The following PIK3CG variants were observed in gnomAD, a reference collection of about 807,000 sequenced individuals.
PIK3CG encodes phosphatidylinositol-4,5-bisphosphate 3-kinase catalytic subunit gamma.
Under a neutral mutation model 102.3 loss-of-function variants are expected in PIK3CG, and 55 were observed. The ratio of observed to expected loss-of-function variants is 0.54; its 90% CI spans 0.43 to 0.67. The LOEUF (loss-of-function observed/expected upper bound fraction) is 0.67, where lower values mean the gene tolerates loss of function less well. Among genes scored for constraint, PIK3CG ranks in the 30% least tolerant of loss-of-function variants. The pLI is 0.00. For synonymous variants in PIK3CG, 552 were observed against 540.0 expected, an observed-to-expected ratio of 1.02 and a Z score of -0.31; for missense variants, 1,258 against 1,391.8, an observed-to-expected ratio of 0.90 and a Z score of 1.53.
At position 106,906,113 on chromosome 7, in the gene PIK3CG, G is replaced by A. The variant is rs1000452287; in HGVS notation, c.*726G>A. On this transcript the variant is annotated 3_prime_UTR_variant, in exon 11 of 11. Transcript: ENST00000496166. ...TGAGTTATCTAGTATGATTAGTATA[G>A]CTTTCTCCAGCATGGCAGCAGGAAG... 4.4e-6 allele frequency: 1 copy of A among 226,260 alleles called. No individual in the cohort carries two copies. The highest frequency in any genetic ancestry group is 5.8e-5 in the Admixed American group (1 of 17,248). 14.0% of individuals were successfully genotyped at this position (226,260 alleles called of 1,614,324 possible).
At position 106,894,366 on chromosome 7, in the gene PIK3CG, G is replaced by A. The variant is rs1005022293; in HGVS notation, c.3030+8074G>A. On this transcript the variant is annotated intron_variant, in intron 10 of 10. Coordinates refer to ENST00000496166, the MANE Select transcript of PIK3CG (RefSeq NM_001282426.2). The surrounding 1 kb of genome is among the most constrained non-coding windows in gnomAD (Gnocchi z 4.4). ...AATGTGCTTCTAGCTAAATATTCGA[G>A]AAGATGACAGTACAGCCCTTCTCCT... 6.6e-6 allele frequency among the ~76,000 whole-genome samples: 1 copy of A among 152,148 alleles called. No individual in the cohort carries two copies. Among genetic ancestry groups the A allele is most frequent in the Non-Finnish European group, 1.5e-5 (1 of 68,036 alleles).
chr7:106,901,053 G>T (rs1791537471), intron 10 of PIK3CG, among the ~76,000 whole-genome samples: 1 of 152,130 alleles, frequency 6.6e-6, no homozygotes, highest in Admixed American at 6.5e-5. Flanking sequence ...ATCTTCTTGT[G>T]TAGAATCTTG....
chr7:106,881,743 A>G (rs535498428), intron 6 of PIK3CG, among the ~76,000 whole-genome samples: 5 of 152,076 alleles, frequency 3.3e-5, no homozygotes, highest in Non-Finnish European at 5.9e-5. Context: ...CCAGCTACTC[A>G]GGAGGCTGAG....
chr7:106,885,551 G>A (rs1182275719), intron 9 of PIK3CG, among the ~76,000 whole-genome samples: 2 of 152,066 alleles, frequency 1.3e-5, no homozygotes, highest in African/African-American at 4.8e-5. Flanking sequence ...ATATATTTAT[G>A]GACAATAGAA....
rs1790554754 is a variant in PIK3CG at position 106,872,201 on chromosome 7, C to T, written c.1996-336C>T. Among the ~76,000 whole-genome samples, 1 of 152,164 alleles carries T rather than the reference C, an allele frequency of 6.6e-6. No homozygotes were observed. The highest frequency in any genetic ancestry group is 2.4e-5 in the African/African-American group (1 of 41,408). ...TTGGTTACAGTGTCTCCATCTTCCC[C>T]CTCTACCCCTCCAACAAAACCAGTA... On this transcript the variant is annotated intron_variant, in intron 2 of 10. Transcript: ENST00000496166. The surrounding 1 kb of genome is among the most constrained non-coding windows in gnomAD (Gnocchi z 5.3).
rs376453517 is a variant in PIK3CG at position 106,905,140 on chromosome 7, G to A, written c.3062G>A (p.Arg1021His). 6.0e-5 allele frequency: 97 copies of A among 1,613,768 alleles called. No individual in the cohort carries two copies. In the East Asian group the frequency reaches 6.9e-4, roughly 11 times the overall value. Reference sequence around the variant, plus strand: ...TGTGTTAAGGCTTATCTAGCCCTTCGTCATCACACAAACCTACTGATCATC... The same window carrying A: ...TGTGTTAAGGCTTATCTAGCCCTTCATCATCACACAAACCTACTGATCATC... ...DICVKAYLAL[R>H]HHTNLLIILF... is the part of the protein sequence containing the mutation. Residue 1021 changes from arginine to histidine, a missense_variant, in exon 11 of 11, where the codon CGT (arginine) becomes CAT (histidine). This residue lies in a region of PIK3CG where 426 missense variants were observed against 604.2 expected (regional missense o/e 0.71). Transcript: ENST00000496166. This position sits in a 1 kb window ranked among gnomAD's most constrained non-coding sequence, Gnocchi z 5.6.
rs1791435190 is a variant in PIK3CG at position 106,897,402 on chromosome 7, G to A, written c.3031-7707G>A. 6.6e-6 allele frequency among the ~76,000 whole-genome samples: 1 copy of A among 152,112 alleles called. No homozygotes were observed. Among genetic ancestry groups the A allele is most frequent in the Non-Finnish European group, 1.5e-5 (1 of 68,002 alleles). ...ATCACCCTTTCTTTTATTTTTGGCT[G>A]GGGGTACATGTGAAAGTTTGTTACA... On this transcript the variant is annotated intron_variant, in intron 10 of 10. Coordinates refer to ENST00000496166, the MANE Select transcript of PIK3CG (RefSeq NM_001282426.2). This position sits in a 1 kb window ranked among gnomAD's most constrained non-coding sequence, Gnocchi z 4.6.
rs189710851 is a variant in PIK3CG at position 106,893,001 on chromosome 7, G to A, written c.3030+6709G>A. On this transcript the variant is annotated intron_variant, in intron 10 of 10. Transcript: ENST00000496166. This position sits in a 1 kb window ranked among gnomAD's most constrained non-coding sequence, Gnocchi z 4.4. The stretch of plus-strand genomic sequence containing the variant: ...GAATTTGAGTCAAGAAAGGAAATTT[G>A]GGTCCAACTTGAAGCAGTACATAGG... Among the ~76,000 whole-genome samples, 3 of 152,268 alleles carry A rather than the reference G, an allele frequency of 2.0e-5. No individual in the cohort carries two copies. Among genetic ancestry groups the A allele is most frequent in the African/African-American group, 7.2e-5 (3 of 41,552 alleles).
At position 106,908,216 on chromosome 7, in the gene PIK3CG, A is replaced by T. The variant is rs1791740435; in HGVS notation, c.*2829A>T. The stretch of plus-strand genomic sequence containing the variant: ...TTAAGAAATTCGAGATGGCAACAGC[A>T]GTTGTCACACCAAGCACAGTGCCCT... On this transcript the variant is annotated 3_prime_UTR_variant, in exon 11 of 11. Transcript: ENST00000496166. This position sits in a 1 kb window ranked among gnomAD's most constrained non-coding sequence, Gnocchi z 4.1. Among the ~76,000 whole-genome samples the T allele has an allele frequency of 1.3e-5, 2 of 152,198 alleles. No homozygotes were observed. Among genetic ancestry groups the T allele is most frequent in the African/African-American group, 4.8e-5 (2 of 41,446 alleles).
At chr7:106,886,452 A>G (rs1025697182) in intron 10 of PIK3CG, among the ~76,000 whole-genome samples, 160 bp downstream of exon 10, 4 of 152,068 alleles carry the variant, frequency 2.6e-5, no homozygotes, top group Non-Finnish European at 5.9e-5. Flanking sequence ...TTTCACTTCC[A>G]TTCATTCCTT....
Position 106,905,611 on chromosome 7 carries a change from C to A in PIK3CG, c.*224C>A. ...GGATTATTTGCAGGTTTGGTTTTTT[C>A]TCATTTGTCTGTGGCATTGGAGAAT... On this transcript the variant is annotated 3_prime_UTR_variant, in exon 11 of 11. Coordinates refer to ENST00000496166, the MANE Select transcript of PIK3CG (RefSeq NM_001282426.2). The surrounding 1 kb of genome is among the most constrained non-coding windows in gnomAD (Gnocchi z 5.6). 1 of 536,558 alleles carries A rather than the reference C, an allele frequency of 1.9e-6. No homozygotes were observed. 33.2% of individuals were successfully genotyped at this position (536,558 alleles called of 1,614,324 possible). A position where few individuals can be genotyped will look rare whatever the true frequency, so the allele number is the denominator to read the frequency against.
chr7:106,868,920 G>A lies in PIK3CG; in HGVS notation c.1359G>A (p.Glu453=), dbSNP rs773413129. The A allele has an allele frequency of 2.8e-5, 45 of 1,614,084 alleles. No individual in the cohort carries two copies. Among genetic ancestry groups the A allele is most frequent in the Non-Finnish European group, 3.6e-5 (42 of 1,180,046 alleles). ...SKASAESPSS[E]SKGKVQLLYY... ...CCTCTGCAGAGTCCCCCAGTTCTGA[G>A]TCCAAGGGCAAAGTTCAGCTTCTCT... Residue 453 remains glutamate (E), a synonymous_variant, in exon 2 of 11, where the codon GAG becomes GAA. Coordinates refer to ENST00000496166, the MANE Select transcript of PIK3CG (RefSeq NM_001282426.2). The surrounding 1 kb of genome is among the most constrained non-coding windows in gnomAD (Gnocchi z 6.2).
At chr7:106,887,933 C>CTTTTT (rs71156344) in intron 10 of PIK3CG, among the ~76,000 whole-genome samples, 3 of 60,614 alleles carry the variant, frequency 4.9e-5, no homozygotes, top group Admixed American at 5.3e-4. Flanking sequence ...GACGACTCTC[C>CTTTTT]TTTTTTTTTT....
In PIK3CG at chr7:106,877,908, G is replaced by C. The variant is rs535821745; in HGVS notation, c.2392-1611G>C. On this transcript the variant is annotated intron_variant, in intron 5 of 10. Transcript: ENST00000496166. This position sits in a 1 kb window ranked among gnomAD's most constrained non-coding sequence, Gnocchi z 4.5. Reference sequence around the variant, plus strand: ...ATATATGTTATAAATGGCACAATAAGTTACTATTTTTGCCCTAAACAGTTA... The same window carrying C: ...ATATATGTTATAAATGGCACAATAACTTACTATTTTTGCCCTAAACAGTTA... Among the ~76,000 whole-genome samples the C allele has an allele frequency of 6.6e-6, 1 of 152,176 alleles. No individual in the cohort carries two copies. The highest frequency in any genetic ancestry group is 2.1e-4 in the South Asian group (1 of 4,826).
rs140864387 is a variant in PIK3CG, at chr7:106,869,330, C to T, written c.1769C>T (p.Pro590Leu). The T allele has an allele frequency of 1.5e-5, 24 of 1,614,204 alleles. No individual in the cohort carries two copies. The highest frequency in any genetic ancestry group is 2.0e-5 in the Non-Finnish European group (24 of 1,180,034). Residue 590 changes from proline (P) to leucine (L), a missense_variant, in exon 2 of 11, where the codon CCT becomes CTT. Physicochemically the swap from Pro to Leu is moderately conservative, Grantham distance 98 (BLOSUM62 -3). Coordinates refer to ENST00000496166, the MANE Select transcript of PIK3CG (RefSeq NM_001282426.2). The surrounding 1 kb of genome is among the most constrained non-coding windows in gnomAD (Gnocchi z 5.3). Reference sequence around the variant, plus strand: ...AGCCTTAAGCACCCAAAAGCATATCCTAAGCTATTTAGTTCAGTGAAATGG... The same window carrying T: ...AGCCTTAAGCACCCAAAAGCATATCTTAAGCTATTTAGTTCAGTGAAATGG... ...YESLKHPKAYPKLFSSVKWGQ... is the reference protein window; with the variant it reads ...YESLKHPKAYLKLFSSVKWGQ...
rs1164047198 is a variant in PIK3CG, at chr7:106,902,332, G to T, written c.3031-2777G>T. 6.6e-6 allele frequency among the ~76,000 whole-genome samples: 1 copy of T among 152,112 alleles called. No homozygotes were observed. Among genetic ancestry groups the T allele is most frequent in the Non-Finnish European group, 1.5e-5 (1 of 68,014 alleles). On this transcript the variant is annotated intron_variant, in intron 10 of 10. Transcript: ENST00000496166. The surrounding 1 kb of genome is among the most constrained non-coding windows in gnomAD (Gnocchi z 4.3). ...CTTGGGTCAGCTGCAGCTTGCTGGA[G>T]GTGTAAAATCACCCTTTCTAGGTGT...
rs2116549118 is a variant in PIK3CG at position 106,883,685 on chromosome 7, T to C, written c.2761-470T>C. ...GCTGTTTGGCTGTCGTTTAAAGTTCTGCTGCACAGGATTAGCACTTCTCAT... is the reference window on the plus strand; with the variant it reads ...GCTGTTTGGCTGTCGTTTAAAGTTCCGCTGCACAGGATTAGCACTTCTCAT... On this transcript the variant is annotated intron_variant, in intron 8 of 10. Coordinates refer to ENST00000496166, the MANE Select transcript of PIK3CG (RefSeq NM_001282426.2). The surrounding 1 kb of genome is among the most constrained non-coding windows in gnomAD (Gnocchi z 5.8). 6.6e-6 allele frequency among the ~76,000 whole-genome samples: 1 copy of C among 152,364 alleles called. No individual in the cohort carries two copies. Among genetic ancestry groups the C allele is most frequent in the African/African-American group, 2.4e-5 (1 of 41,596 alleles).
At chr7:106,878,408 T>A (rs1482125690) in intron 5 of PIK3CG, among the ~76,000 whole-genome samples, 1 of 152,202 alleles carries the variant, frequency 6.6e-6, no homozygotes, top group Non-Finnish European at 1.5e-5. Context: ...TCTATCAAAT[T>A]TGGAAATTTT....
In PIK3CG at chr7:106,868,338, G is replaced by A. The variant is rs2116437569; in HGVS notation, c.777G>A (p.Met259Ile). ...FTKMAKKKSL[M>I]DIPESQSEQD... ...AGATGGCCAAGAAGAAATCTCTGAT[G>A]GATATTCCCGAAAGCCAAAGCGAAC... Residue 259 changes from methionine to isoleucine, a missense_variant, in exon 2 of 11, where the codon ATG (methionine) becomes ATA (isoleucine). Around this residue, in one of 2 missense-constraint regions of PIK3CG, gnomAD observed 832 missense variants for 787.5 expected, o/e 1.06. Transcript: ENST00000496166. This position sits in a 1 kb window ranked among gnomAD's most constrained non-coding sequence, Gnocchi z 6.2. 2.5e-6 allele frequency: 4 copies of A among 1,614,228 alleles called. No homozygotes were observed. Among genetic ancestry groups the A allele is most frequent in the Non-Finnish European group, 3.4e-6 (4 of 1,180,044 alleles).
Sources: allele counts gnomAD v4.1 joint callset (sites outside exome capture counted in the v4.1 genomes callset), GRCh38; gene constraint gnomAD v4.1.1; regional missense constraint gnomAD v4.1.1; non-coding constraint Gnocchi (gnomAD v3.1); transcripts MANE v1.5; gene names NCBI Gene and HGNC (gene_info 2026-07-23, HGNC 2026-07-21).